Variants in SEPTIN7 observed in about 807,000 individuals in gnomAD.
SEPTIN7 encodes septin-7.
In SEPTIN7, 10 loss-of-function variants were observed where a neutral mutation model predicts 63.3. That is an observed-to-expected ratio of 0.16 (90% confidence interval 0.10 to 0.27). The LOEUF (loss-of-function observed/expected upper bound fraction) is 0.27. SEPTIN7 is among the 10% of genes least tolerant of loss of function. The pLI, the probability that SEPTIN7 is intolerant of heterozygous loss-of-function variation, is 1.00. For synonymous variants in SEPTIN7, 131 were observed against 165.3 expected (o/e 0.79, Z 1.59); for missense variants, 310 against 521.0 (o/e 0.59, Z 3.94).
the SEPTIN7 span, among the ~76,000 whole-genome samples, chr7:35,913,524 T>C: frequency 6.7e-6 from 1 of 148,644 alleles, no homozygotes; most frequent in East Asian, 2.0e-4. Flanking sequence ...TCCTTCCTTC[T>C]TTCTTTCCTT....
chr7:35,899,171 C>A (rs1369214397), intron 12 of SEPTIN7: 1 of 152,144 alleles, frequency 6.6e-6, no homozygotes, highest in East Asian at 1.9e-4. Flanking sequence ...AGAAAAAAAA[C>A]TATGGGTAAT....
At chr7:35,826,848 T>TTTTA (rs575929730) in intron 1 of SEPTIN7, among the ~76,000 whole-genome samples, 70 of 152,284 alleles carry the variant, frequency 4.6e-4, no homozygotes, top group Non-Finnish European at 8.1e-4. Context: ...GGTAATGGCA[T>TTTTA]TTTAGATAGC....
chr7:35,804,783 G>A (rs1364150938), intron 1 of SEPTIN7, among the ~76,000 whole-genome samples: 3 of 149,022 alleles, frequency 2.0e-5, no homozygotes, highest in Non-Finnish European at 3.0e-5. Context: ...GCTTGTTATT[G>A]TACTGACTAC....
At chr7:35,842,016 C>T (rs1784431375) in intron 3 of SEPTIN7, among the ~76,000 whole-genome samples, 2 of 152,164 alleles carry the variant, frequency 1.3e-5, no homozygotes, top group African/African-American at 4.8e-5. Flanking sequence ...GCTATGACTA[C>T]AGTCTAGCAC....
intron 3 of SEPTIN7, among the ~76,000 whole-genome samples, chr7:35,837,336 G>A (rs970404536): frequency 9.9e-5 from 15 of 152,034 alleles, no homozygotes; most frequent in South Asian, 2.1e-4. Flanking sequence ...GATATCGTAC[G>A]TTCTTTCATA....
At chr7:35,899,151 T>C (rs1788142979) in intron 12 of SEPTIN7, 1 of 152,204 alleles carries the variant, frequency 6.6e-6, no homozygotes, top group East Asian at 1.9e-4. Context: ...GATAGATGTC[T>C]GAGAATAGTA....
chr7:35,835,169 T>C (rs1784019116), intron 3 of SEPTIN7, among the ~76,000 whole-genome samples: 1 of 152,148 alleles, frequency 6.6e-6, no homozygotes, highest in South Asian at 2.1e-4. Flanking sequence ...AGTAGAATCA[T>C]ACAAAAGTTA....
At chr7:35,908,682 T>G (rs1490091905), downstream of SEPTIN7, among the ~76,000 whole-genome samples, 4 of 152,138 alleles carry the variant, frequency 2.6e-5, no homozygotes, top group African/African-American at 9.7e-5. Context: ...AACTTCCTTT[T>G]TGTTCTCTTT....
In SEPTIN7 at chr7:35,866,606, T is replaced by TA. The variant is rs1373207108; in HGVS notation, c.276+2949dup. Among the ~76,000 whole-genome samples the TA allele has an allele frequency of 3.9e-5, 6 of 152,192 alleles. No homozygotes were observed. In the East Asian group the frequency reaches 7.7e-4, roughly 20 times the overall value. On this transcript the variant is annotated intron_variant, in intron 4 of 13. Transcript: ENST00000350320. ...TAAGAGACTTGTATCTTAAAGGAGA[T>TA]ATTCATTCACATTCACAGTCTTGGA...
At chr7:35,855,305 T>C (rs1785150535) in intron 3 of SEPTIN7, among the ~76,000 whole-genome samples, 1 of 152,200 alleles carries the variant, frequency 6.6e-6, no homozygotes, top group African/African-American at 2.4e-5. Flanking sequence ...AGTCAGCTAT[T>C]AATGAAGATG....
At chr7:35,909,496 A>G (rs1287838178), downstream of SEPTIN7, among the ~76,000 whole-genome samples, 1 of 152,218 alleles carries the variant, frequency 6.6e-6, no homozygotes, top group Non-Finnish European at 1.5e-5. Context: ...CCAACTTGTA[A>G]GAACTGATGA....
chr7:35,907,312 TC>T (rs1053104173), downstream of SEPTIN7, among the ~76,000 whole-genome samples: 17 of 152,302 alleles, frequency 1.1e-4, no homozygotes, highest in African/African-American at 4.1e-4. Flanking sequence ...CCCTTGTACT[TC>T]ATCCAGAATT....
intron 3 of SEPTIN7, chr7:35,847,269 G>T: frequency 6.3e-6 from 1 of 158,240 alleles, no homozygotes; most frequent in South Asian, 1.8e-4. Context: ...CTGCTCCAGG[G>T]ATTCCTGCGA....
At chr7:35,869,897 A>G (rs1463701070) in intron 4 of SEPTIN7, among the ~76,000 whole-genome samples, 1 of 152,234 alleles carries the variant, frequency 6.6e-6, no homozygotes, top group Non-Finnish European at 1.5e-5. Flanking sequence ...TGATGCAGCT[A>G]ATCTTAGAGA....
intron 3 of SEPTIN7, among the ~76,000 whole-genome samples, chr7:35,862,867 T>C (rs1030977618): frequency 1.4e-4 from 21 of 152,168 alleles, no homozygotes; most frequent in African/African-American, 4.8e-4. Flanking sequence ...TACTATATAC[T>C]AGACTATGTA....
rs970665537 is a variant in SEPTIN7, at chr7:35,906,909, G to C, written c.*2616G>C. ...GGCTTGATAGCTATGAATGCATGAG[G>C]AGCGAAATGTTGACTCAGTTATCTA... On this transcript the variant is annotated 3_prime_UTR_variant, in exon 14 of 14. Transcript: ENST00000350320. 6.6e-6 allele frequency: 1 copy of C among 152,222 alleles called. No homozygotes were observed. Among genetic ancestry groups the C allele is most frequent in the East Asian group, 1.9e-4 (1 of 5,196 alleles). 9.4% of individuals were successfully genotyped at this position (152,222 alleles called of 1,614,324 possible).
chr7:35,834,648 T>C (rs754275100), intron 3 of SEPTIN7, among the ~76,000 whole-genome samples: 2 of 152,126 alleles, frequency 1.3e-5, no homozygotes, highest in African/African-American at 2.4e-5. Flanking sequence ...TGAATAGATA[T>C]ATTGAGTGCA....
chr7:35,890,126 G>A (rs1189600972), intron 10 of SEPTIN7, among the ~76,000 whole-genome samples: 3 of 152,112 alleles, frequency 2.0e-5, no homozygotes, highest in Admixed American at 1.3e-4. Flanking sequence ...TGATAGAAAT[G>A]CTGTAAGCAA....
chr7:35,816,698 T>C (rs1256138222), intron 1 of SEPTIN7, among the ~76,000 whole-genome samples: 1 of 152,192 alleles, frequency 6.6e-6, no homozygotes, highest in Non-Finnish European at 1.5e-5. Context: ...CTACCAGCAG[T>C]GTATGAGAGT....
Sources: gnomAD v4.1 joint callset for allele counts (sites outside exome capture counted in the v4.1 genomes callset) on GRCh38, gnomAD v4.1.1 for gene constraint, MANE v1.5 for transcripts, NCBI Gene and HGNC (gene_info 2026-07-23, HGNC 2026-07-21) for gene names.